The following SEZ6L2 variants were observed in gnomAD, a reference collection of about 807,000 sequenced individuals.
The protein encoded by SEZ6L2 is seizure 6-like protein 2.
In SEZ6L2, 44 loss-of-function variants were observed where a neutral mutation model predicts 97.0. That is an observed-to-expected ratio of 0.45 (90% CI 0.36 to 0.58). SEZ6L2 has a LOEUF of 0.58. Among genes scored for constraint, SEZ6L2 ranks in the 20% least tolerant of loss-of-function variants. SEZ6L2 has a pLI of 0.00. For synonymous variants in SEZ6L2, 543 were observed against 546.1 expected, an observed-to-expected ratio of 0.99 and a Z score of 0.08; for missense variants, 1,086 against 1,233.3, an observed-to-expected ratio of 0.88 and a Z score of 1.79.
At chr16:29,895,682 G>C in intron 4 of SEZ6L2, 39 bp downstream of exon 4, 1 of 1,592,806 alleles carries the variant, frequency 6.3e-7, no homozygotes, top group South Asian at 1.1e-5. Flanking sequence ...AGAGGAAAAG[G>C]CTTGGAAGCT....
At chr16:29,897,789 A>C (rs1444673610) in intron 2 of SEZ6L2, 64 bp downstream of exon 2, 1 of 1,509,950 alleles carries the variant, frequency 6.6e-7, no homozygotes, top group Non-Finnish European at 8.8e-7. Flanking sequence ...CTGGCTCCCC[A>C]TCTCCCTGAG....
At position 29,871,554 on chromosome 16, in the gene SEZ6L2, A is replaced by T; in HGVS notation, c.*145T>A. On this transcript the variant is annotated 3_prime_UTR_variant, in exon 18 of 18. Transcript: ENST00000617533. ...TATTTACTGTAGGATCTCCAGGGCC[A>T]TCAAAGCCCCCTCGTGGGATAGGGA... The T allele has an allele frequency of 1.2e-6, 1 of 824,514 alleles. No individual in the cohort carries two copies. 51.1% of individuals were successfully genotyped at this position (824,514 alleles called of 1,614,324 possible). A position where few individuals can be genotyped will look rare whatever the true frequency, so the allele number is the denominator to read the frequency against.
At chr16:29,875,496 C>A in intron 12 of SEZ6L2, among the ~76,000 whole-genome samples, 1 of 152,082 alleles carries the variant, frequency 6.6e-6, no homozygotes, top group Non-Finnish European at 1.5e-5. Flanking sequence ...CTTTGTCCAG[C>A]CCAAATCTGG....
At chr16:29,885,006 G>A (rs1205240904) in intron 8 of SEZ6L2, among the ~76,000 whole-genome samples, 3 of 151,826 alleles carry the variant, frequency 2.0e-5, no homozygotes, top group Non-Finnish European at 4.4e-5. Flanking sequence ...AGGAGATCGA[G>A]TCCATCTTGG....
In SEZ6L2 at chr16:29,898,844, C is replaced by G. The variant is rs2068465640; in HGVS notation, c.79+97G>C. The G allele has an allele frequency of 4.3e-6, 4 of 940,504 alleles. No homozygotes were observed. The East Asian group carries it at 1.1e-4, about 25-fold the overall frequency. The allele number at this position is 940,504 out of a possible 1,614,324, so 58.3% of individuals were successfully genotyped here. A position where few individuals can be genotyped will look rare whatever the true frequency, so the allele number is the denominator to read the frequency against. ...CATCAGCTGTGCCTCTCCCCTCCCC[C>G]ATGTGCTCGGAAGACCCAGGATATT... On this transcript the variant is annotated intron_variant, in intron 1 of 17. Transcript: ENST00000617533.
At chr16:29,877,154 C>T in intron 11 of SEZ6L2, 117 bp downstream of exon 11, 1 of 1,233,768 alleles carries the variant, frequency 8.1e-7, no homozygotes, top group Admixed American at 2.9e-5. Flanking sequence ...AAACGATCCT[C>T]CCGCCTCGGC....
At position 29,895,386 on chromosome 16, in the gene SEZ6L2, G is replaced by A. The variant is rs768103670; in HGVS notation, c.726C>T (p.Pro242=). ...LAGGGSPGLA[P]RLLANSSMLG... ...GCATGGATGAGTTGGCCAGGAGTCGGGGGGCCAGGCCTGGGGATCCCCCAC... is the reference window on the plus strand; with the variant it reads ...GCATGGATGAGTTGGCCAGGAGTCGAGGGGCCAGGCCTGGGGATCCCCCAC... Residue 242 remains proline, a synonymous_variant, in exon 5 of 18, where the codon CCC becomes CCT. Transcript: ENST00000617533. 10 of 1,613,992 alleles carry A rather than the reference G, an allele frequency of 6.2e-6. No homozygotes were observed. Among genetic ancestry groups the A allele is most frequent in the Non-Finnish European group, 8.5e-6 (10 of 1,180,032 alleles).
At chr16:29,890,749 T>TC (rs1401759453) in intron 5 of SEZ6L2, among the ~76,000 whole-genome samples, 1 of 137,122 alleles carries the variant, frequency 7.3e-6, no homozygotes, top group Non-Finnish European at 1.6e-5. Flanking sequence ...TTGTCTTTTT[T>TC]TTTTTTTTTT....
At chr16:29,874,626 C>T (rs560704700) in intron 12 of SEZ6L2, among the ~76,000 whole-genome samples, 15 of 119,276 alleles carry the variant, frequency 1.3e-4, no homozygotes, top group Admixed American at 2.4e-4. Flanking sequence ...GGCTGGAGTG[C>T]AGTGGCGCAT....
intron 5 of SEZ6L2, among the ~76,000 whole-genome samples, chr16:29,892,964 C>T (rs1361333752): frequency 6.6e-6 from 1 of 152,174 alleles, no homozygotes; most frequent in Non-Finnish European, 1.5e-5. Context: ...AATACAGCCC[C>T]CCTTTCCTGC....
In SEZ6L2 at chr16:29,885,717, G is replaced by A. The variant is rs1000513429; in HGVS notation, c.1241C>T (p.Ser414Phe). The A allele has an allele frequency of 6.2e-7, 1 of 1,613,364 alleles. No homozygotes were observed. The highest frequency in any genetic ancestry group is 8.5e-7 in the Non-Finnish European group (1 of 1,179,604). The change falls in exon 8 of 18, where the codon TCC becomes TTC. Residue 414 changes from serine (S) to phenylalanine (F), a missense_variant. Transcript: ENST00000617533. Reference sequence around the variant, plus strand: ...CATGTCCGAATCATAGATCACGGGGGATAGGGGGCTGCCCCCTGAGCGCAC... The same window carrying A: ...CATGTCCGAATCATAGATCACGGGGAATAGGGGGCTGCCCCCTGAGCGCAC... ...LMVRSGGSPL[S>F]PVIYDSDMDD...
chr16:29,895,239 A>G lies in SEZ6L2; in HGVS notation c.853+20T>C. 1 of 1,590,502 alleles carries G rather than the reference A, an allele frequency of 6.3e-7. No individual in the cohort carries two copies. Among genetic ancestry groups the G allele is most frequent in the South Asian group, 1.1e-5 (1 of 90,568 alleles). On this transcript the variant is annotated intron_variant, in intron 5 of 17. Transcript: ENST00000617533. ...GCAGTATGGCCCCTGCCCTTCCAGCAGCACCCTCAAACTCCTCACCCTGAT... is the reference window on the plus strand; with the variant it reads ...GCAGTATGGCCCCTGCCCTTCCAGCGGCACCCTCAAACTCCTCACCCTGAT...
intron 8 of SEZ6L2, 131 bp downstream of exon 8, chr16:29,885,455 A>C (rs2068116917): frequency 1.0e-6 from 1 of 959,568 alleles, no homozygotes. Flanking sequence ...TGGGGCAGGG[A>C]AGCGAGTCAC....
chr16:29,871,617 G>A lies in SEZ6L2; in HGVS notation c.*82C>T. On this transcript the variant is annotated 3_prime_UTR_variant, in exon 18 of 18. Coordinates refer to ENST00000617533, the MANE Select transcript of SEZ6L2 (RefSeq NM_001243332.2). The stretch of plus-strand genomic sequence containing the variant: ...AGCCAGGGAGGAGGGCAGCCAGGAG[G>A]CAGAGACCGGGTCCCGTATTTCCCT... 7.1e-7 allele frequency: 1 copy of A among 1,410,834 alleles called. No individual in the cohort carries two copies. The highest frequency in any genetic ancestry group is 1.4e-5 in the African/African-American group (1 of 70,526). 87.4% of individuals were successfully genotyped at this position (1,410,834 alleles called of 1,614,324 possible).
In SEZ6L2 at chr16:29,895,713, CCA is replaced by C. The variant is rs769837659; in HGVS notation, c.651+6_651+7del. The C allele has an allele frequency of 6.0e-5, 96 of 1,611,030 alleles. No homozygotes were observed. The highest frequency in any genetic ancestry group is 7.6e-5 in the Non-Finnish European group (89 of 1,178,586). Reference sequence around the variant, plus strand: ...AAGCTGCACAGTCACATGCTTTGGTCCAGTTACCTGGATCTCAATGCCGTAGC... The same window carrying C: ...AAGCTGCACAGTCACATGCTTTGGTCGTTACCTGGATCTCAATGCCGTAGC... On this transcript the variant is annotated splice_donor_region_variant and intron_variant, in intron 4 of 17. Coordinates refer to ENST00000617533, the MANE Select transcript of SEZ6L2 (RefSeq NM_001243332.2).
At position 29,885,594 on chromosome 16, in the gene SEZ6L2, C is replaced by T. The variant is rs139712746; in HGVS notation, c.1364G>A (p.Arg455Gln). Reference protein sequence around the residue: ...TPANPLLLSLRFEAFEEDRCF... With the variant: ...TPANPLLLSLQFEAFEEDRCF... ...GGGAGTGGGTCACTTACCTTCAAAT[C>T]GAAGGCTTAACAGCAGGGGATTGGC... The change falls in exon 8 of 18, where the codon CGA becomes CAA. Residue 455 changes from arginine (R) to glutamine (Q), a missense_variant. This residue lies in a region of SEZ6L2 where 776 missense variants were observed against 794.7 expected (regional missense o/e 0.98). Transcript: ENST00000617533. 1,615 of 1,613,180 alleles carry T rather than the reference C, an allele frequency of 1.0e-3. 3 individuals carry two copies. The highest frequency in any genetic ancestry group is 1.3e-3 in the Non-Finnish European group (1,507 of 1,179,332).
At chr16:29,880,618 G>A (rs1310456230) in intron 8 of SEZ6L2, among the ~76,000 whole-genome samples, 1 of 150,530 alleles carries the variant, frequency 6.6e-6, no homozygotes, top group Non-Finnish European at 1.5e-5. Flanking sequence ...ACCGTGCCTG[G>A]CCAATTTTTG....
intron 4 of SEZ6L2, 69 bp downstream of exon 4, chr16:29,895,652 C>T (rs886200226): frequency 5.8e-6 from 9 of 1,541,206 alleles, no homozygotes; most frequent in Non-Finnish European, 7.0e-6. Context: ...CCAGGCCAAA[C>T]CCGTGCACAC....
intron 8 of SEZ6L2, 77 bp from the exon 9 acceptor site, chr16:29,880,141 T>C (rs2068000054): frequency 1.1e-5 from 16 of 1,420,420 alleles, no homozygotes; most frequent in East Asian, 2.4e-5. Flanking sequence ...GTGGGCTGAA[T>C]TGGGGTGTTC....
Sources: gnomAD v4.1 joint callset for allele counts (sites outside exome capture counted in the v4.1 genomes callset) on GRCh38, gnomAD v4.1.1 for gene constraint, gnomAD v4.1.1 regional missense constraint, MANE v1.5 for transcripts, NCBI Gene and HGNC (gene_info 2026-07-23, HGNC 2026-07-21) for gene names.